Variants in RNF103 observed in about 807,000 individuals in gnomAD.
RNF103 encodes E3 ubiquitin-protein ligase RNF103.
Under a neutral mutation model 66.2 loss-of-function variants are expected in RNF103, and 23 were observed. That is an observed-to-expected ratio of 0.35 (90% CI 0.25 to 0.49). RNF103 has a LOEUF of 0.49. RNF103 is among the 20% of genes least tolerant of loss of function. RNF103 has a pLI of 0.98. For missense variants in RNF103, 730 were observed against 814.7 expected, an observed-to-expected ratio of 0.90 and a Z score of 1.27; for synonymous variants, 297 against 289.9, an observed-to-expected ratio of 1.02 and a Z score of -0.25.
At position 86,604,938 on chromosome 2, in the gene RNF103, G is replaced by A. The variant is rs770659862; in HGVS notation, c.963C>T (p.Pro321=). The change falls in exon 4 of 4, where the codon CCC becomes CCT. Residue 321 remains proline (P), a synonymous_variant. Coordinates refer to ENST00000237455, the MANE Select transcript of RNF103 (RefSeq NM_005667.4). Reference sequence around the variant, plus strand: ...TCAAAACAAACAGATCATTTACCTCGGGTTGTAATGAGCGCAAAAATGAAT... The same window carrying A: ...TCAAAACAAACAGATCATTTACCTCAGGTTGTAATGAGCGCAAAAATGAAT... ...AMDSFLRSLQ[P]EVNDLFVLSL... The A allele has an allele frequency of 7.4e-6, 12 of 1,614,006 alleles. No homozygotes were observed. Among genetic ancestry groups the A allele is most frequent in the South Asian group, 3.3e-5 (3 of 91,060 alleles).
chr2:86,608,748 C>T (rs1301531091), intron 3 of RNF103, among the ~76,000 whole-genome samples: 1 of 152,032 alleles, frequency 6.6e-6, no homozygotes, highest in East Asian at 1.9e-4. Context: ...CCCCATCTCC[C>T]CAACCCTCTC....
chr2:86,618,571 T>C (rs1331244109), intron 2 of RNF103: 2 of 152,310 alleles, frequency 1.3e-5, no homozygotes, highest in Non-Finnish European at 2.9e-5. Flanking sequence ...GTATTTGTTG[T>C]CTATAGGCAG....
At chr2:86,615,832 C>T (rs1004472532) in intron 2 of RNF103, among the ~76,000 whole-genome samples, 3 of 152,158 alleles carry the variant, frequency 2.0e-5, no homozygotes, top group Non-Finnish European at 4.4e-5. Context: ...CTGCCTCTGG[C>T]ATCCCCACAC....
chr2:86,623,355 C>A lies in RNF103; in HGVS notation c.-469G>T, dbSNP rs1441275550. The A allele has an allele frequency of 1.0e-6, 1 of 983,622 alleles. No individual in the cohort carries two copies. Among genetic ancestry groups the A allele is most frequent in the Non-Finnish European group, 1.2e-6 (1 of 829,316 alleles). 60.9% of individuals were successfully genotyped at this position (983,622 alleles called of 1,614,324 possible). A position where few individuals can be genotyped will look rare whatever the true frequency, so the allele number is the denominator to read the frequency against. The stretch of plus-strand genomic sequence containing the variant: ...AGGAGGCGGGGATCCGGGCGGCAGG[C>A]CGGGGCCCGAGGGGCCGTGGGGGCC... On this transcript the variant is annotated 5_prime_UTR_variant, in exon 1 of 4. Coordinates refer to ENST00000237455, the MANE Select transcript of RNF103 (RefSeq NM_005667.4).
intron 3 of RNF103, among the ~76,000 whole-genome samples, chr2:86,608,378 T>C (rs1678653284): frequency 6.6e-6 from 1 of 151,118 alleles, no homozygotes; most frequent in Admixed American, 6.6e-5. Context: ...TCCCAGCTAC[T>C]TGGGGGGCTG....
At chr2:86,612,362 A>G in intron 2 of RNF103, 88 bp from the exon 3 acceptor site, 2 of 716,842 alleles carry the variant, frequency 2.8e-6, no homozygotes, top group Non-Finnish European at 4.8e-6. Context: ...ATTTCACTTA[A>G]AAAAAAAGAT....
At chr2:86,617,665 ACAATTC>A in intron 2 of RNF103, 1 of 985,988 alleles carries the variant, frequency 1.0e-6, no homozygotes, top group Non-Finnish European at 1.2e-6. Flanking sequence ...ATTGTTAAAA[ACAATTC>A]TTGAAAGTTA....
rs561735009 is a variant in RNF103 at position 86,603,904 on chromosome 2, G to A, written c.1997C>T (p.Ser666Phe). 2 of 1,613,750 alleles carry A rather than the reference G, an allele frequency of 1.2e-6. No individual in the cohort carries two copies. The highest frequency in any genetic ancestry group is 1.1e-5 in the South Asian group (1 of 91,054). The stretch of plus-strand genomic sequence containing the variant: ...TGCATATGGCTGCTTTTTTTTATAA[G>A]AAGGCCACCGGCAAACAGGGCAACA... The part of the protein sequence containing the change: ...RHCCPVCRWP[S>F]YKKKQPYAQH... Residue 666 changes from serine to phenylalanine, a missense_variant, in exon 4 of 4, where the codon TCT becomes TTT. Around this residue, in one of 3 missense-constraint regions of RNF103, gnomAD observed 355 missense variants for 351.9 expected, o/e 1.01. Coordinates refer to ENST00000237455, the MANE Select transcript of RNF103 (RefSeq NM_005667.4).
intron 2 of RNF103, chr2:86,614,900 C>G: frequency 2.0e-6 from 2 of 985,324 alleles, no homozygotes; most frequent in Non-Finnish European, 2.4e-6. Context: ...TGCAAATAAC[C>G]CAAACATTTC....
In RNF103 at chr2:86,604,308, C is replaced by T; in HGVS notation, c.1593G>A (p.Gly531=). The change falls in exon 4 of 4, where the codon GGG becomes GGA. Residue 531 remains glycine, a synonymous_variant. Transcript: ENST00000237455. ...CCGAGTCATTTTCAGTATCTTGAGA[C>T]CCCTCCGACATTTCCTCTTCAGACT... ...GVQSEEEMSE[G]SQDTENDSES... is the part of the protein sequence containing the mutation. 3 of 1,614,200 alleles carry T rather than the reference C, an allele frequency of 1.9e-6. No homozygotes were observed. Among genetic ancestry groups the T allele is most frequent in the Non-Finnish European group, 2.5e-6 (3 of 1,180,040 alleles).
intron 1 of RNF103, 77 bp from the exon 2 acceptor site, chr2:86,620,546 C>T: frequency 1.4e-6 from 2 of 1,420,560 alleles, no homozygotes; most frequent in Non-Finnish European, 1.9e-6. Flanking sequence ...CTATTTTTTA[C>T]ACTGTTAAGA....
rs1024529836 is a variant in RNF103 at position 86,623,175 on chromosome 2, A to C, written c.-289T>G. 3.4e-4 allele frequency: 370 copies of C among 1,074,110 alleles called. No homozygotes were observed. Among genetic ancestry groups the C allele is most frequent in the Non-Finnish European group, 4.0e-4 (355 of 889,558 alleles). The allele number at this position is 1,074,110 out of a possible 1,614,324, so 66.5% of individuals were successfully genotyped here. ...AACTCAAAACCCCCATCCATTAAGC[A>C]CAGAAAGGAGAGGGGCGCGGGGAGA... is the stretch of plus-strand genomic sequence containing the variant. On this transcript the variant is annotated 5_prime_UTR_variant, in exon 1 of 4. Coordinates refer to ENST00000237455, the MANE Select transcript of RNF103 (RefSeq NM_005667.4).
rs952505547 is a variant in RNF103, at chr2:86,603,557, T to A, written c.*286A>T. On this transcript the variant is annotated 3_prime_UTR_variant, in exon 4 of 4. Transcript: ENST00000237455. Reference sequence around the variant, plus strand: ...TCCATTAGAATTTGATCCTATCTTGTAAAGTCTTGCTAGGATAAATTTCTA... The same window carrying A: ...TCCATTAGAATTTGATCCTATCTTGAAAAGTCTTGCTAGGATAAATTTCTA... 8.0e-6 allele frequency: 3 copies of A among 377,286 alleles called. No individual in the cohort carries two copies. The highest frequency in any genetic ancestry group is 6.3e-5 in the African/African-American group (3 of 47,548). 23.4% of individuals were successfully genotyped at this position (377,286 alleles called of 1,614,324 possible). A position where few individuals can be genotyped will look rare whatever the true frequency, so the allele number is the denominator to read the frequency against.
chr2:86,619,836 G>C (rs1679158008), intron 2 of RNF103, among the ~76,000 whole-genome samples: 4 of 152,086 alleles, frequency 2.6e-5, no homozygotes, highest in Admixed American at 2.6e-4. Context: ...CCTGAGTTAC[G>C]TAATGAGCAC....
intron 2 of RNF103, chr2:86,612,944 G>C (rs1455891670): frequency 1.3e-5 from 2 of 152,144 alleles, no homozygotes; most frequent in Non-Finnish European, 2.9e-5. Flanking sequence ...ATTAGGATTA[G>C]GAAAAGCAAA....
chr2:86,622,549 G>A, intron 1 of RNF103, 112 bp downstream of exon 1: 1 of 1,033,570 alleles, frequency 9.7e-7, no homozygotes, highest in East Asian at 2.4e-5. Flanking sequence ...AACCTGGGCA[G>A]CTTTAACGCT....
In RNF103 at chr2:86,623,545, G is replaced by T; in HGVS notation, c.-659C>A. ...GCTCCGCGAGAAGAGCGGCGGGCAC[G>T]GCGGCGGCTCCAGGTTCGCTCGGGC... On this transcript the variant is annotated 5_prime_UTR_variant, in exon 1 of 4. Coordinates refer to ENST00000237455, the MANE Select transcript of RNF103 (RefSeq NM_005667.4). The T allele has an allele frequency of 1.0e-6, 1 of 985,232 alleles. No individual in the cohort carries two copies. The highest frequency in any genetic ancestry group is 1.2e-6 in the Non-Finnish European group (1 of 830,016). 61.0% of individuals were successfully genotyped at this position (985,232 alleles called of 1,614,324 possible).
intron 2 of RNF103, chr2:86,616,818 C>G: frequency 8.1e-6 from 8 of 985,328 alleles, no homozygotes; most frequent in Non-Finnish European, 9.6e-6. Context: ...AACGGAGAAA[C>G]AGAAATGTTA....
At chr2:86,617,410 G>A (rs1309601945) in intron 2 of RNF103, 4 of 591,954 alleles carry the variant, frequency 6.8e-6, no homozygotes, top group Non-Finnish European at 8.5e-6. Flanking sequence ...CGGAGAGAGA[G>A]ACACCACATT....
Sources: gnomAD v4.1 joint callset for allele counts (sites outside exome capture counted in the v4.1 genomes callset) on GRCh38, gnomAD v4.1.1 for gene constraint, gnomAD v4.1.1 regional missense constraint, MANE v1.5 for transcripts, NCBI Gene and HGNC (gene_info 2026-07-23, HGNC 2026-07-21) for gene names.